LEMD2: variants seen among roughly 807,000 people sequenced by gnomAD.
The protein encoded by LEMD2 is LEM domain-containing protein 2.
Under a neutral mutation model 58.8 loss-of-function variants are expected in LEMD2, and 34 were observed. The observed-to-expected ratio is 0.58, with a 90% CI of 0.44 to 0.77. LEMD2 has a LOEUF of 0.77. Among genes scored for constraint, LEMD2 ranks in the 30% least tolerant of loss-of-function variants. LEMD2 has a pLI of 0.00. For missense variants in LEMD2, 629 were observed against 717.9 expected (o/e 0.88, Z 1.42); for synonymous variants, 298 against 308.9 (o/e 0.96, Z 0.37).
At chr6:33,788,083 G>A (rs1767722274) in intron 1 of LEMD2, among the ~76,000 whole-genome samples, 1 of 152,250 alleles carries the variant, frequency 6.6e-6, no homozygotes, top group Non-Finnish European at 1.5e-5. Context: ...CCTCTCCAGG[G>A]AGAAAACCAG....
In LEMD2 at chr6:33,788,827, G is replaced by A; in HGVS notation, c.290C>T (p.Ala97Val). ...ACCGTAGGCCCCAGGGGTCGCGTAG[G>A]CCGAGCCCGAGGCCGGCTGGGAGAG... ...PWLSQPASGS[A>V]YATPGAYGDI... is the part of the protein sequence containing the mutation. Residue 97 changes from alanine to valine, a missense_variant, in exon 1 of 9, where the codon GCC becomes GTC. By Grantham distance (64) the Ala-to-Val change is moderately conservative. Around this residue, in one of 2 missense-constraint regions of LEMD2, gnomAD observed 386 missense variants for 381.1 expected, o/e 1.01. Transcript: ENST00000293760. 7.0e-7 allele frequency: 1 copy of A among 1,426,322 alleles called. No homozygotes were observed. The highest frequency in any genetic ancestry group is 1.4e-5 in the South Asian group (1 of 71,678). 88.4% of individuals were successfully genotyped at this position (1,426,322 alleles called of 1,614,324 possible).
In LEMD2 at chr6:33,778,511, T is replaced by C. The variant is rs1312454005; in HGVS notation, c.1011-124A>G. ...GCAAGGCCTCTACTTGCTTATAGAA[T>C]AGGCTTGGTATCCTGGCTGCATTCT... On this transcript the variant is annotated intron_variant, in intron 5 of 8. Coordinates refer to ENST00000293760, the MANE Select transcript of LEMD2 (RefSeq NM_181336.4). The surrounding 1 kb of genome is among the most constrained non-coding windows in gnomAD (Gnocchi z 4.7). The C allele has an allele frequency of 2.6e-5, 17 of 657,616 alleles. No individual in the cohort carries two copies. In the Admixed American group the frequency reaches 5.1e-4, roughly 20 times the overall value. 40.7% of individuals were successfully genotyped at this position (657,616 alleles called of 1,614,324 possible). A position where few individuals can be genotyped will look rare whatever the true frequency, so the allele number is the denominator to read the frequency against.
intron 1 of LEMD2, 77 bp downstream of exon 1, chr6:33,788,304 G>T (rs1412242519): frequency 1.9e-5 from 26 of 1,394,720 alleles, no homozygotes; most frequent in Non-Finnish European, 2.2e-5. Flanking sequence ...GCGCGGCCTG[G>T]CGCCGACAGG....
intron 8 of LEMD2, among the ~76,000 whole-genome samples, chr6:33,775,266 G>T (rs1767402233): frequency 6.6e-6 from 1 of 152,248 alleles, no homozygotes; most frequent in Non-Finnish European, 1.5e-5. Flanking sequence ...CACCTTTCCA[G>T]GGGTGAGGTG....
In LEMD2 at chr6:33,781,159, A is replaced by AG. The variant is rs757848829; in HGVS notation, c.854-7dup. 1.3e-6 allele frequency: 2 copies of AG among 1,574,042 alleles called. No homozygotes were observed. Among genetic ancestry groups the AG allele is most frequent in the Non-Finnish European group, 1.7e-6 (2 of 1,149,348 alleles). ...ATTTCCACACTCAAAATTACCTAGG[A>AG]GAAAAAAAACCACACATGCTCAAAC... On this transcript the variant is annotated splice_polypyrimidine_tract_variant and splice_region_variant and intron_variant, in intron 3 of 8. Coordinates refer to ENST00000293760, the MANE Select transcript of LEMD2 (RefSeq NM_181336.4).
Position 33,788,679 on chromosome 6 carries a change from C to T in LEMD2, c.438G>A (p.Arg146=), listed in dbSNP as rs1767744866. 6.7e-6 allele frequency: 9 copies of T among 1,340,082 alleles called. No individual in the cohort carries two copies. The highest frequency in any genetic ancestry group is 8.6e-6 in the Non-Finnish European group (9 of 1,045,284). 83.0% of individuals were successfully genotyped at this position (1,340,082 alleles called of 1,614,324 possible). The change falls in exon 1 of 9, where the codon CGG becomes CGA. Residue 146 remains arginine, a synonymous_variant. Transcript: ENST00000293760. ...RGSSEEDEDA[R]TPDRATQGPG... ...GGCCCTGCGTGGCCCTGTCGGGCGT[C>T]CGGGCGTCCTCGTCCTCCTCGGAGC...
chr6:33,771,762 T>C lies in LEMD2; in HGVS notation c.*866A>G, dbSNP rs1225517322. 1 of 152,242 alleles carries C rather than the reference T, an allele frequency of 6.6e-6. No homozygotes were observed. Among genetic ancestry groups the C allele is most frequent in the Admixed American group, 6.5e-5 (1 of 15,294 alleles). The allele number at this position is 152,242 out of a possible 1,614,324, so 9.4% of individuals were successfully genotyped here. On this transcript the variant is annotated 3_prime_UTR_variant, in exon 9 of 9. Transcript: ENST00000293760. ...AGAAACGCCGGCTGCGCTGAAGTTCTTGTTAAACAGCCCCGCGTCGGGGCT... is the reference window on the plus strand; with the variant it reads ...AGAAACGCCGGCTGCGCTGAAGTTCCTGTTAAACAGCCCCGCGTCGGGGCT...
chr6:33,774,089 G>A (rs1334034954), intron 8 of LEMD2, among the ~76,000 whole-genome samples: 1 of 151,992 alleles, frequency 6.6e-6, no homozygotes, highest in East Asian at 1.9e-4. Flanking sequence ...TCTTATTTAA[G>A]CAAATATGTG....
In LEMD2 at chr6:33,789,035, G is replaced by T. The variant is rs1767761155; in HGVS notation, c.82C>A (p.Arg28=). The change falls in exon 1 of 9, where the codon CGG becomes AGG. Residue 28 remains arginine (R), a synonymous_variant. Transcript: ENST00000293760. ...FQPGPITDTT[R]DVYRNKLRRL... is the part of the protein sequence containing the mutation. ...CGCAGCTTGTTGCGGTAGACATCCC[G>T]GGTGGTGTCGGTGATGGGTCCTGGC... 1.9e-6 allele frequency: 3 copies of T among 1,557,972 alleles called. No individual in the cohort carries two copies. Among genetic ancestry groups the T allele is most frequent in the East Asian group, 5.2e-5 (2 of 38,176 alleles).
At chr6:33,781,046 C>G in intron 4 of LEMD2, 31 bp downstream of exon 4, 1 of 1,492,372 alleles carries the variant, frequency 6.7e-7, no homozygotes. Context: ...CAGGCCCTCC[C>G]AGGAATGTAT....
chr6:33,785,658 TC>T (rs1767661747), intron 2 of LEMD2, among the ~76,000 whole-genome samples: 1 of 152,234 alleles, frequency 6.6e-6, no homozygotes, highest in African/African-American at 2.4e-5. Context: ...AGTTATTTTT[TC>T]CTGTTTTTGT....
chr6:33,778,227 C>T lies in LEMD2; in HGVS notation c.1156+15G>A, dbSNP rs773753103. 1.9e-5 allele frequency: 29 copies of T among 1,566,154 alleles called. No homozygotes were observed. The highest frequency in any genetic ancestry group is 2.4e-5 in the Non-Finnish European group (28 of 1,154,238). On this transcript the variant is annotated intron_variant, in intron 6 of 8. Coordinates refer to ENST00000293760, the MANE Select transcript of LEMD2 (RefSeq NM_181336.4). This position sits in a 1 kb window ranked among gnomAD's most constrained non-coding sequence, Gnocchi z 4.7. The stretch of plus-strand genomic sequence containing the variant: ...TGACTGCACAGAAGGGGAGGGAAGG[C>T]GGCCGAGGACTTACACCAGAAGAAG...
intron 8 of LEMD2, among the ~76,000 whole-genome samples, chr6:33,775,535 G>A (rs1396935640): frequency 6.6e-6 from 1 of 152,136 alleles, no homozygotes; most frequent in Non-Finnish European, 1.5e-5. Flanking sequence ...GGCTGGTCTT[G>A]AACTCATGGG....
At chr6:33,774,176 T>G (rs1767375587) in intron 8 of LEMD2, among the ~76,000 whole-genome samples, 1 of 149,280 alleles carries the variant, frequency 6.7e-6, no homozygotes, top group African/African-American at 2.5e-5. Context: ...GACTTTTTTT[T>G]TTTTTTTTTT....
chr6:33,776,714 C>T, intron 8 of LEMD2: 2 of 542,664 alleles, frequency 3.7e-6, no homozygotes, highest in East Asian at 3.1e-5. Context: ...ATCACCACTG[C>T]CAGTGTTCTC....
chr6:33,780,535 G>A (rs751362652), intron 4 of LEMD2, among the ~76,000 whole-genome samples: 3 of 152,172 alleles, frequency 2.0e-5, no homozygotes, highest in African/African-American at 4.8e-5. Context: ...CCCAGTGGCC[G>A]GTGCAAGTGG....
At position 33,789,088 on chromosome 6, in the gene LEMD2, C is replaced by T. The variant is rs762511641; in HGVS notation, c.29G>A (p.Arg10Gln). 6 of 1,541,092 alleles carry T rather than the reference C, an allele frequency of 3.9e-6. No individual in the cohort carries two copies. In the South Asian group the frequency reaches 5.9e-5, roughly 15 times the overall value. MAGLSDLEL[R>Q]RELQALGFQP... ...GAAGCCCAGGGCCTGCAGCTCCCGC[C>T]GCAGTTCCAGGTCCGACAGGCCGGC... Residue 10 changes from arginine to glutamine, a missense_variant, in exon 1 of 9, where the codon CGG becomes CAG. This residue lies in a region of LEMD2 where 386 missense variants were observed against 381.1 expected (regional missense o/e 1.01). Transcript: ENST00000293760.
chr6:33,784,466 G>T (rs780598523), intron 2 of LEMD2, 39 bp from the exon 3 acceptor site: 5 of 811,198 alleles, frequency 6.2e-6, no homozygotes, highest in East Asian at 5.4e-5. Flanking sequence ...AAGGAGGGGT[G>T]GGTGGGAGGG....
In LEMD2 at chr6:33,776,975, C is replaced by G; in HGVS notation, c.1340G>C (p.Ser447Thr). ...PYVGILHVRD[S>T]LIPPQSRRRM... ...TCACCGGCTCTGTGGAGGGATCAAGCTGTCGCGCACGTGCAGGATGCCTAC... is the reference window on the plus strand; with the variant it reads ...TCACCGGCTCTGTGGAGGGATCAAGGTGTCGCGCACGTGCAGGATGCCTAC... The change falls in exon 8 of 9, where the codon AGC becomes ACC. Residue 447 changes from serine (S) to threonine (T), a missense_variant. This residue lies in a region of LEMD2 where 243 missense variants were observed against 336.8 expected (regional missense o/e 0.72). Transcript: ENST00000293760. 6.2e-7 allele frequency: 1 copy of G among 1,613,794 alleles called. No individual in the cohort carries two copies. The highest frequency in any genetic ancestry group is 8.5e-7 in the Non-Finnish European group (1 of 1,180,000).
Sources: allele counts gnomAD v4.1 joint callset (sites outside exome capture counted in the v4.1 genomes callset), GRCh38; gene constraint gnomAD v4.1.1; regional missense constraint gnomAD v4.1.1; non-coding constraint Gnocchi (gnomAD v3.1); transcripts MANE v1.5; gene names NCBI Gene and HGNC (gene_info 2026-07-23, HGNC 2026-07-21).